Variants in UNC13C observed in about 807,000 individuals in gnomAD.
The protein encoded by UNC13C is protein unc-13 homolog C.
In UNC13C, 174 loss-of-function variants were observed where a neutral mutation model predicts 245.4. The observed-to-expected ratio is 0.71, with a 90% confidence interval of 0.63 to 0.80. UNC13C has a LOEUF of 0.80. UNC13C is among the 30% of genes least tolerant of loss of function. The probability of loss-of-function intolerance (pLI) is 0.00; values close to 1 mark genes in which losing one functional copy is unlikely to be tolerated. For missense variants in UNC13C, 2,829 were observed against 2,602.9 expected, an observed-to-expected ratio of 1.09 and a Z score of -1.89; for synonymous variants, 992 against 895.1, an observed-to-expected ratio of 1.11 and a Z score of -1.93.
chr15:54,387,854 T>C (rs2039870955), intron 17 of UNC13C, among the ~76,000 whole-genome samples: 1 of 152,210 alleles, frequency 6.6e-6, no homozygotes, highest in African/African-American at 2.4e-5. Context: ...ATCTACCCTG[T>C]CCTGATTATT....
At chr15:54,493,867 C>G (rs1482893666) in intron 19 of UNC13C, among the ~76,000 whole-genome samples, 1 of 152,014 alleles carries the variant, frequency 6.6e-6, no homozygotes, top group Non-Finnish European at 1.5e-5. Context: ...AGCTTAACAA[C>G]TGTGATAAGC....
At chr15:54,141,939 G>T (rs1468025193) in intron 2 of UNC13C, among the ~76,000 whole-genome samples, 2 of 152,012 alleles carry the variant, frequency 1.3e-5, no homozygotes, top group Non-Finnish European at 2.9e-5. Context: ...GGTCATCATT[G>T]AGCTACATGA....
At chr15:54,290,741 CA>C (rs531116618) in intron 10 of UNC13C, among the ~76,000 whole-genome samples, 158 of 152,016 alleles carry the variant, frequency 1.0e-3, no homozygotes, top group African/African-American at 3.7e-3. Context: ...ACTAGAAGCT[CA>C]AAAAAATTTG....
intron 28 of UNC13C, among the ~76,000 whole-genome samples, chr15:54,553,703 T>A (rs533259514): frequency 3.0e-4 from 46 of 151,262 alleles, no homozygotes; most frequent in Non-Finnish European, 5.8e-4. Context: ...CTTTCAGAGA[T>A]CCCCTTACTT....
At chr15:54,448,845 A>G (rs1187783828) in intron 19 of UNC13C, among the ~76,000 whole-genome samples, 2 of 152,148 alleles carry the variant, frequency 1.3e-5, no homozygotes, top group Non-Finnish European at 2.9e-5. Flanking sequence ...TTTGCTTGTT[A>G]GTTGATGCAG....
intron 15 of UNC13C, among the ~76,000 whole-genome samples, chr15:54,333,031 C>T (rs2038480582): frequency 6.6e-6 from 1 of 151,886 alleles, no homozygotes; most frequent in African/African-American, 2.4e-5. Context: ...CCTGAAGCCA[C>T]CTCATTCACC....
intron 32 of UNC13C, 73 bp from the exon 33 acceptor site, chr15:54,626,755 G>C: frequency 7.7e-7 from 1 of 1,299,680 alleles, no homozygotes. Context: ...GTTTTCAGCA[G>C]TATTTGAGAA....
At chr15:53,838,358 G>A in the UNC13C span, among the ~76,000 whole-genome samples, 5 of 151,944 alleles carry the variant, frequency 3.3e-5, no homozygotes, top group Non-Finnish European at 7.4e-5. Context: ...ACATTTGCTA[G>A]CATACTTGTA....
At chr15:54,247,662 T>C (rs891274951) in intron 7 of UNC13C, among the ~76,000 whole-genome samples, 1 of 152,176 alleles carries the variant, frequency 6.6e-6, no homozygotes, top group African/African-American at 2.4e-5. Context: ...GGTTGTCTAA[T>C]GTTTTAATGT....
chr15:54,500,806 T>TG, intron 21 of UNC13C, 29 bp from the exon 22 acceptor site: 2 of 1,609,156 alleles, frequency 1.2e-6, no homozygotes, highest in Non-Finnish European at 1.7e-6. Flanking sequence ...ATGTACTGTT[T>TG]GGGATGGTTT....
chr15:54,109,398 G>T (rs1463680258), intron 2 of UNC13C, among the ~76,000 whole-genome samples: 1 of 141,616 alleles, frequency 7.1e-6, no homozygotes, highest in African/African-American at 2.6e-5. Context: ...CTAGAGTGCA[G>T]TAGTGTGATC....
chr15:54,442,326 G>T (rs757694744), intron 19 of UNC13C, among the ~76,000 whole-genome samples: 7 of 149,382 alleles, frequency 4.7e-5, no homozygotes, highest in Admixed American at 4.0e-4. Context: ...AGATTCAAGC[G>T]ATTCTTCTGC....
intron 8 of UNC13C, among the ~76,000 whole-genome samples, chr15:54,252,541 G>A (rs1255347780): frequency 6.6e-6 from 1 of 152,010 alleles, no homozygotes; most frequent in African/African-American, 2.4e-5. Flanking sequence ...GGTCCTACAA[G>A]TATGTATACT....
At chr15:54,321,417 C>G in intron 13 of UNC13C, 1 of 495,564 alleles carries the variant, frequency 2.0e-6, no homozygotes. Flanking sequence ...TGAGACAGCT[C>G]TCTTTGTTTC....
intron 6 of UNC13C, 66 bp from the exon 7 acceptor site, chr15:54,237,553 C>A: frequency 8.3e-7 from 1 of 1,209,508 alleles, no homozygotes; most frequent in African/African-American, 1.5e-5. Context: ...TTTTCACCTT[C>A]TGCTGAGCAG....
At chr15:54,464,998 A>G (rs528297224) in intron 19 of UNC13C, among the ~76,000 whole-genome samples, 1 of 152,192 alleles carries the variant, frequency 6.6e-6, no homozygotes, top group African/African-American at 2.4e-5. Flanking sequence ...CAAATAATAC[A>G]TTATACTCTT....
intron 19 of UNC13C, among the ~76,000 whole-genome samples, chr15:54,450,933 G>A (rs993309151): frequency 1.8e-4 from 28 of 151,988 alleles, no homozygotes; most frequent in African/African-American, 6.3e-4. Flanking sequence ...TTTCTTTTAG[G>A]GTCAGTCAGT....
At chr15:54,603,982 G>A (rs1444087771) in intron 30 of UNC13C, among the ~76,000 whole-genome samples, 1 of 151,854 alleles carries the variant, frequency 6.6e-6, no homozygotes, top group African/African-American at 2.4e-5. Context: ...ATATCTAAAT[G>A]TTCTTTCCCA....
At chr15:54,555,161 C>A (rs1897037311) in intron 28 of UNC13C, among the ~76,000 whole-genome samples, 1 of 152,030 alleles carries the variant, frequency 6.6e-6, no homozygotes, top group South Asian at 2.1e-4. Flanking sequence ...CCAGGTTTCT[C>A]TCTTTTTTCC....
Sources: gnomAD v4.1 joint callset for allele counts (sites outside exome capture counted in the v4.1 genomes callset) on GRCh38, gnomAD v4.1.1 for gene constraint, MANE v1.5 for transcripts, NCBI Gene and HGNC (gene_info 2026-07-23, HGNC 2026-07-21) for gene names.